ALK: variants seen among roughly 807,000 people sequenced by gnomAD.
ALK encodes ALK tyrosine kinase receptor.
In ALK, 74 loss-of-function variants were observed where a neutral mutation model predicts 163.1. The observed-to-expected ratio is 0.45, with a 90% CI of 0.38 to 0.55. The LOEUF (loss-of-function observed/expected upper bound fraction) is 0.55. ALK is among the 20% of genes least tolerant of loss of function. ALK has a pLI of 0.00. For missense variants in ALK, 2,063 were observed against 2,105.3 expected (o/e 0.98, Z 0.39); for synonymous variants, 960 against 843.2 (o/e 1.14, Z -2.40).
intron 26 of ALK, among the ~76,000 whole-genome samples, chr2:29,206,217 T>C (rs946854716): frequency 9.3e-5 from 14 of 151,002 alleles, no homozygotes; most frequent in Non-Finnish European, 1.8e-4. Flanking sequence ...CTCTCTCCTC[T>C]CTTCTCTGCC....
At chr2:29,673,398 C>G (rs1288441519) in intron 3 of ALK, among the ~76,000 whole-genome samples, 2 of 139,216 alleles carry the variant, frequency 1.4e-5, no homozygotes, top group African/African-American at 5.7e-5. Flanking sequence ...CTACATATGG[C>G]TAGCCAGTTT....
intron 1 of ALK, among the ~76,000 whole-genome samples, chr2:29,815,512 T>G (rs144745894): frequency 2.1e-3 from 327 of 152,188 alleles, no homozygotes; most frequent in African/African-American, 7.2e-3. Flanking sequence ...CTTCCACCAG[T>G]CCCTCTCTGA....
chr2:29,733,133 T>C (rs896435016), intron 1 of ALK, among the ~76,000 whole-genome samples: 2 of 152,050 alleles, frequency 1.3e-5, no homozygotes, highest in African/African-American at 4.8e-5. Context: ...AGATACACAA[T>C]TGGCTAGTGG....
At chr2:29,364,710 G>A (rs1668462699) in intron 5 of ALK, among the ~76,000 whole-genome samples, 1 of 152,190 alleles carries the variant, frequency 6.6e-6, no homozygotes, top group Admixed American at 6.5e-5. Context: ...TGTGGAACAG[G>A]GAACAGGCGT....
chr2:29,527,924 G>A (rs770043721), intron 4 of ALK, among the ~76,000 whole-genome samples: 2 of 152,078 alleles, frequency 1.3e-5, no homozygotes, highest in Non-Finnish European at 2.9e-5. Flanking sequence ...TTAGACTCCC[G>A]TATCTTCCGG....
At chr2:29,827,099 T>C (rs1440448224) in intron 1 of ALK, among the ~76,000 whole-genome samples, 1 of 152,200 alleles carries the variant, frequency 6.6e-6, no homozygotes, top group Non-Finnish European at 1.5e-5. Context: ...AGACATTTGA[T>C]GGGTAACTAT....
intron 3 of ALK, among the ~76,000 whole-genome samples, chr2:29,682,056 A>C (rs915953795): frequency 2.0e-5 from 3 of 152,114 alleles, no homozygotes; most frequent in Non-Finnish European, 4.4e-5. Context: ...ATTTGTTTTT[A>C]TTAGTAGGGC....
intron 4 of ALK, among the ~76,000 whole-genome samples, chr2:29,435,556 T>A (rs1049907718): frequency 6.6e-6 from 1 of 151,696 alleles, no homozygotes; most frequent in Non-Finnish European, 1.5e-5. Flanking sequence ...CCTCTCCCAA[T>A]CTTTTTCCTG....
At chr2:29,635,601 T>C (rs905264360) in intron 3 of ALK, among the ~76,000 whole-genome samples, 1 of 152,038 alleles carries the variant, frequency 6.6e-6, no homozygotes, top group African/African-American at 2.4e-5. Context: ...CTCTGGATAA[T>C]ACATTTCTAT....
chr2:29,725,409 C>T (rs964851599), intron 1 of ALK, among the ~76,000 whole-genome samples: 2 of 152,120 alleles, frequency 1.3e-5, no homozygotes, highest in Non-Finnish European at 2.9e-5. Context: ...AGCTCAAATC[C>T]CTCCTCCTCA....
At chr2:29,469,051 G>A (rs940982629) in intron 4 of ALK, among the ~76,000 whole-genome samples, 20 of 152,128 alleles carry the variant, frequency 1.3e-4, no homozygotes, top group African/African-American at 3.9e-4. Context: ...AGGCATAAAT[G>A]GGCTAATGGC....
intron 4 of ALK, among the ~76,000 whole-genome samples, chr2:29,406,668 G>A (rs1220581397): frequency 6.6e-6 from 1 of 152,062 alleles, no homozygotes; most frequent in African/African-American, 2.4e-5. Flanking sequence ...TTGGGAGGCC[G>A]AGGTGGGCCA....
intron 6 of ALK, among the ~76,000 whole-genome samples, chr2:29,326,193 G>C (rs1321912089): frequency 2.6e-5 from 4 of 152,120 alleles, no homozygotes; most frequent in South Asian, 2.1e-4. Flanking sequence ...GCCTGAAGTA[G>C]ACTGCCCTGA....
intron 3 of ALK, among the ~76,000 whole-genome samples, chr2:29,554,474 A>G (rs1395932225): frequency 6.6e-6 from 1 of 152,218 alleles, no homozygotes; most frequent in East Asian, 1.9e-4. Context: ...TCATTTGGCC[A>G]AAGGCTTGGT....
At position 29,624,332 on chromosome 2, in the gene ALK, C is replaced by T. The variant is rs530873456; in HGVS notation, c.952+70518G>A. On this transcript the variant is annotated intron_variant, in intron 3 of 28. Coordinates refer to ENST00000389048, the MANE Select transcript of ALK (RefSeq NM_004304.5). The stretch of plus-strand genomic sequence containing the variant: ...GGTCTTTTATAAAAGCAAAACTGAC[C>T]GTCCAGGATTCCCTGAGCTCTCACA... Among the ~76,000 whole-genome samples the T allele has an allele frequency of 5.3e-5, 8 of 152,258 alleles. No individual in the cohort carries two copies. In the South Asian group the frequency reaches 6.2e-4, roughly 12 times the overall value.
At chr2:29,398,361 A>G (rs1391367695) in intron 4 of ALK, among the ~76,000 whole-genome samples, 3 of 152,130 alleles carry the variant, frequency 2.0e-5, no homozygotes, top group African/African-American at 7.2e-5. Flanking sequence ...GATATATTTA[A>G]TTGATAAGGG....
intron 3 of ALK, among the ~76,000 whole-genome samples, chr2:29,640,927 G>C (rs1284259846): frequency 6.6e-6 from 1 of 152,002 alleles, no homozygotes; most frequent in Non-Finnish European, 1.5e-5. Context: ...AGAGTATTAT[G>C]AATAGAAAGA....
Position 29,694,970 on chromosome 2 carries a change from G to T in ALK, c.832C>A (p.Pro278Thr), listed in dbSNP as rs762417760. 3.7e-6 allele frequency: 6 copies of T among 1,614,060 alleles called. No individual in the cohort carries two copies. In the East Asian group the frequency reaches 1.3e-4, roughly 36 times the overall value. The change falls in exon 3 of 29, where the codon CCT becomes ACT. Residue 278 changes from proline to threonine, a missense_variant. By Grantham distance (38) the Pro-to-Thr change is conservative (BLOSUM62 -1). Transcript: ENST00000389048. ...FDFPCELEYS[P>T]PLHDLRNQSW... ...TGGTTCCTGAGGTCATGCAGTGGAG[G>T]GGAATACTCCAGCTCACAGGGGAAG...
intron 3 of ALK, among the ~76,000 whole-genome samples, chr2:29,638,477 T>C (rs1404530801): frequency 6.8e-6 from 1 of 146,438 alleles, no homozygotes; most frequent in Non-Finnish European, 1.5e-5. Flanking sequence ...TCAGGGAACT[T>C]GTTTGTGGCA....
Sources: allele counts gnomAD v4.1 joint callset (sites outside exome capture counted in the v4.1 genomes callset), GRCh38; gene constraint gnomAD v4.1.1; transcripts MANE v1.5; gene names NCBI Gene and HGNC (gene_info 2026-07-23, HGNC 2026-07-21).